The following SNTG2 variants were observed in gnomAD, a reference collection of about 807,000 sequenced individuals.
SNTG2 encodes syntrophin gamma 2.
A neutral mutation model predicts 70.9 loss-of-function variants in SNTG2; 74 were observed. The observed-to-expected ratio is 1.04, with a 90% CI of 0.86 to 1.27. The LOEUF (loss-of-function observed/expected upper bound fraction) is 1.27, where lower values mean the gene tolerates loss of function less well. Among genes scored for constraint, SNTG2 ranks in the 50% most tolerant of loss-of-function variants. SNTG2 has a pLI of 0.00. For missense variants in SNTG2, 717 were observed against 690.7 expected, an observed-to-expected ratio of 1.04 and a Z score of -0.43; for synonymous variants, 278 against 273.8, an observed-to-expected ratio of 1.02 and a Z score of -0.15.
chr2:1,228,609 G>T (rs1426098633), intron 9 of SNTG2, among the ~76,000 whole-genome samples: 1 of 152,202 alleles, frequency 6.6e-6, no homozygotes, highest in Non-Finnish European at 1.5e-5. Context: ...AAAGGGACAG[G>T]AGCCGACTTT....
chr2:1,187,353 C>T (rs1672310762), intron 8 of SNTG2, among the ~76,000 whole-genome samples: 1 of 152,076 alleles, frequency 6.6e-6, no homozygotes, highest in African/African-American at 2.4e-5. Flanking sequence ...ATGGACCTCC[C>T]TAATCTGGGT....
chr2:1,173,255 G>A, intron 8 of SNTG2, 72 bp downstream of exon 8: 1 of 1,326,974 alleles, frequency 7.5e-7, no homozygotes, highest in East Asian at 2.3e-5. Context: ...TCTCTAGACA[G>A]AATTAAAAAG....
chr2:1,131,518 C>A (rs1303483016), intron 4 of SNTG2, among the ~76,000 whole-genome samples: 1 of 152,160 alleles, frequency 6.6e-6, no homozygotes, highest in East Asian at 1.9e-4. Flanking sequence ...AAAATGAGCA[C>A]AAACATGGGA....
intron 14 of SNTG2, among the ~76,000 whole-genome samples, chr2:1,294,649 A>G (rs1680126427): frequency 6.6e-6 from 1 of 152,336 alleles, no homozygotes; most frequent in South Asian, 2.1e-4. Flanking sequence ...CCATCTTGTA[A>G]GCAGGACATT....
chr2:1,008,162 A>G (rs1659626274), intron 1 of SNTG2, among the ~76,000 whole-genome samples: 2 of 152,224 alleles, frequency 1.3e-5, no homozygotes, highest in South Asian at 4.1e-4. Flanking sequence ...ACACACACAA[A>G]TAGTACTCGT....
intron 11 of SNTG2, chr2:1,242,633 C>A (rs1324287837): frequency 3.3e-5 from 5 of 152,156 alleles, no homozygotes; most frequent in Non-Finnish European, 7.4e-5. Flanking sequence ...TTTTGAATAA[C>A]CTGAATTTTA....
chr2:1,204,175 G>T (rs1346814137), intron 8 of SNTG2, among the ~76,000 whole-genome samples: 1 of 152,184 alleles, frequency 6.6e-6, no homozygotes, highest in African/African-American at 2.4e-5. Flanking sequence ...CATGGGGGTA[G>T]GTGTTATGTG....
In SNTG2 at chr2:1,043,570, A is replaced by G. The variant is rs184096389; in HGVS notation, c.73-39948A>G. On this transcript the variant is annotated intron_variant, in intron 1 of 16. Transcript: ENST00000308624. ...TTTTTTACATTTAAGTCTTTAATCC[A>G]TCTTAAGTTGATTTTTGTATGTGGT... Among the ~76,000 whole-genome samples, 30 of 152,244 alleles carry G rather than the reference A, an allele frequency of 2.0e-4. No homozygotes were observed. In the East Asian group the frequency reaches 5.6e-3, roughly 28 times the overall value.
intron 1 of SNTG2, among the ~76,000 whole-genome samples, chr2:1,035,755 A>G (rs1451754571): frequency 6.6e-6 from 1 of 152,020 alleles, no homozygotes; most frequent in Non-Finnish European, 1.5e-5. Context: ...ATATATCTAA[A>G]GTCTTTTATT....
chr2:1,363,203 A>G (rs1228795725), intron 16 of SNTG2, among the ~76,000 whole-genome samples: 1 of 151,154 alleles, frequency 6.6e-6, no homozygotes, highest in Non-Finnish European at 1.5e-5. Flanking sequence ...TGGCAACACC[A>G]CAAGCTGCAC....
At position 982,311 on chromosome 2, in the gene SNTG2, G is replaced by A. The variant is rs547390827; in HGVS notation, c.72+31243G>A. On this transcript the variant is annotated intron_variant, in intron 1 of 16. Transcript: ENST00000308624. ...TAAGCCTTACAGTTACCAGTTAGAG[G>A]AATTCACGTTCCACACTTTTTCTTT... Among the ~76,000 whole-genome samples, 181 of 152,224 alleles carry A rather than the reference G, an allele frequency of 1.2e-3. 1 individual carries two copies. Among genetic ancestry groups the A allele is most frequent in the Non-Finnish European group, 2.0e-3 (139 of 67,990 alleles).
At chr2:1,311,479 A>T (rs1236911455) in intron 15 of SNTG2, among the ~76,000 whole-genome samples, 2 of 152,256 alleles carry the variant, frequency 1.3e-5, no homozygotes, top group African/African-American at 4.8e-5. Context: ...ACTGTGAAGG[A>T]TAAACCAATG....
intron 15 of SNTG2, among the ~76,000 whole-genome samples, chr2:1,314,102 G>C (rs968790369): frequency 1.3e-5 from 2 of 152,166 alleles, no homozygotes; most frequent in African/African-American, 4.8e-5. Flanking sequence ...ACAATACCAT[G>C]CAAAATATTA....
intron 11 of SNTG2, among the ~76,000 whole-genome samples, chr2:1,241,240 C>T (rs1024923704): frequency 3.3e-5 from 5 of 152,290 alleles, no homozygotes; most frequent in South Asian, 4.1e-4. Flanking sequence ...TCAGTTTGTT[C>T]GTCATGAGGA....
At chr2:1,034,656 T>A (rs987758507) in intron 1 of SNTG2, among the ~76,000 whole-genome samples, 3 of 152,218 alleles carry the variant, frequency 2.0e-5, no homozygotes, top group African/African-American at 7.2e-5. Flanking sequence ...CCATTCTGAC[T>A]GGTGTGAGAT....
chr2:1,181,983 G>T (rs958114777), intron 8 of SNTG2, among the ~76,000 whole-genome samples: 2 of 152,198 alleles, frequency 1.3e-5, no homozygotes, highest in African/African-American at 2.4e-5. Context: ...TTCACCTGTT[G>T]CTGAATCCAT....
In SNTG2 at chr2:1,024,456, G is replaced by A. The variant is rs372628732; in HGVS notation, c.73-59062G>A. 1.4e-4 allele frequency among the ~76,000 whole-genome samples: 22 copies of A among 152,216 alleles called. No individual in the cohort carries two copies. In the East Asian group the frequency reaches 4.3e-3, roughly 29 times the overall value. On this transcript the variant is annotated intron_variant, in intron 1 of 16. Coordinates refer to ENST00000308624, the MANE Select transcript of SNTG2 (RefSeq NM_018968.4). ...ATGATCATGGCTCACTGTAGCCTTG[G>A]CCACCTGGGCTCAAGCAGTCCTCCT...
chr2:1,049,351 C>G (rs1213847457), intron 1 of SNTG2, among the ~76,000 whole-genome samples: 2 of 152,232 alleles, frequency 1.3e-5, no homozygotes, highest in African/African-American at 2.4e-5. Flanking sequence ...CTGACAGCCA[C>G]TGATCTCTTT....
chr2:1,023,667 C>T (rs983867393), intron 1 of SNTG2, among the ~76,000 whole-genome samples: 3 of 152,174 alleles, frequency 2.0e-5, no homozygotes, highest in Admixed American at 6.5e-5. Flanking sequence ...CAAGGACACT[C>T]GCGTTGCCCA....
Sources: allele counts gnomAD v4.1 joint callset (sites outside exome capture counted in the v4.1 genomes callset), GRCh38; gene constraint gnomAD v4.1.1; transcripts MANE v1.5; gene names NCBI Gene and HGNC (gene_info 2026-07-23, HGNC 2026-07-21).